Variants in ENDOD1 observed in about 807,000 individuals in gnomAD.
ENDOD1 encodes the protein endonuclease domain-containing 1 protein.
In ENDOD1, 9 loss-of-function variants were observed where a neutral mutation model predicts 6.5. That is an observed-to-expected ratio of 1.39 (90% CI 0.84 to 2.43). The LOEUF (loss-of-function observed/expected upper bound fraction) is 2.43. ENDOD1 is among the 30% of genes most tolerant of loss of function. The pLI is 0.00. For synonymous variants in ENDOD1, 255 were observed against 255.2 expected (o/e 1.00, Z 0.01); for missense variants, 648 against 635.5 (o/e 1.02, Z -0.21).
rs770271698 is a variant in ENDOD1 at position 95,129,164 on chromosome 11, G to GTGT, written c.1090_1092dup (p.Val364dup). ...AAGAACATTGTCTATTTCCTGTGGTGTGTTACCAAGCAGGTGATTAATGGC... is the reference window on the plus strand; with the variant it reads ...AAGAACATTGTCTATTTCCTGTGGTGTGTTGTTACCAAGCAGGTGATTAATGGC... On this transcript the variant is annotated inframe_insertion, in exon 2 of 2. Coordinates refer to ENST00000278505, the MANE Select transcript of ENDOD1 (RefSeq NM_015036.3). 6.2e-7 allele frequency: 1 copy of GTGT among 1,614,128 alleles called. No homozygotes were observed. Among genetic ancestry groups the GTGT allele is most frequent in the South Asian group, 1.1e-5 (1 of 91,088 alleles).
At chr11:95,096,361 T>G (rs1858986109) in intron 1 of ENDOD1, among the ~76,000 whole-genome samples, 1 of 151,066 alleles carries the variant, frequency 6.6e-6, no homozygotes, top group Admixed American at 6.6e-5. Flanking sequence ...CCTGTCGATA[T>G]ATCTATTTGG....
chr11:95,109,982 C>T (rs1309880531), intron 1 of ENDOD1, among the ~76,000 whole-genome samples: 1 of 152,258 alleles, frequency 6.6e-6, no homozygotes, highest in Admixed American at 6.5e-5. Context: ...GACTGCAGAT[C>T]ATTGCTGGGG....
intron 1 of ENDOD1, among the ~76,000 whole-genome samples, chr11:95,090,823 C>G (rs1269090556): frequency 6.6e-6 from 1 of 152,288 alleles, no homozygotes; most frequent in South Asian, 2.1e-4. Context: ...TCATCCTAGC[C>G]TGAAAATCCT....
In ENDOD1 at chr11:95,127,938, T is replaced by G. The variant is rs912228628; in HGVS notation, c.301-439T>G. Reference sequence around the variant, plus strand: ...CCACATCTAGCTAATTTTTGTATTTTTAGTAGAGATAGGATTTCAGCATGT... The same window carrying G: ...CCACATCTAGCTAATTTTTGTATTTGTAGTAGAGATAGGATTTCAGCATGT... On this transcript the variant is annotated intron_variant, in intron 1 of 1. Coordinates refer to ENST00000278505, the MANE Select transcript of ENDOD1 (RefSeq NM_015036.3). 3.9e-5 allele frequency among the ~76,000 whole-genome samples: 6 copies of G among 152,126 alleles called. No homozygotes were observed. In the East Asian group the frequency reaches 1.2e-3, roughly 29 times the overall value.
intron 1 of ENDOD1, among the ~76,000 whole-genome samples, chr11:95,097,168 A>AAAG (rs1858994721): frequency 6.7e-6 from 1 of 150,042 alleles, no homozygotes; most frequent in African/African-American, 2.5e-5. Flanking sequence ...AAAAAAAAAA[A>AAAG]GGCATATTAG....
rs1358526688 is a variant in ENDOD1, at chr11:95,128,709, C to A, written c.633C>A (p.Asp211Glu). 2 of 1,614,170 alleles carry A rather than the reference C, an allele frequency of 1.2e-6. No individual in the cohort carries two copies. Among genetic ancestry groups the A allele is most frequent in the Admixed American group, 3.3e-5 (2 of 60,028 alleles). The part of the protein sequence containing the change: ...GTVPSDYRVK[D>E]KVAVPEFVWL... ...TGCCCTCAGACTACAGAGTTAAAGA[C>A]AAAGTGGCAGTCCCTGAGTTTGTTT... is the stretch of plus-strand genomic sequence containing the variant. The change falls in exon 2 of 2, where the codon GAC becomes GAA. Residue 211 changes from aspartate to glutamate, a missense_variant. By Grantham distance (45) the Asp-to-Glu change is conservative (BLOSUM62 2). Coordinates refer to ENST00000278505, the MANE Select transcript of ENDOD1 (RefSeq NM_015036.3).
intron 1 of ENDOD1, among the ~76,000 whole-genome samples, chr11:95,098,332 C>A (rs1859006006): frequency 6.6e-6 from 1 of 152,152 alleles, no homozygotes; most frequent in African/African-American, 2.4e-5. Context: ...GAGTAGATTT[C>A]ATATTAAGTT....
intron 1 of ENDOD1, among the ~76,000 whole-genome samples, chr11:95,124,678 T>G (rs1170636478): frequency 6.6e-6 from 1 of 152,192 alleles, no homozygotes; most frequent in African/African-American, 2.4e-5. Context: ...GATCCTGGCT[T>G]ATTTGCCATG....
chr11:95,113,758 T>A (rs986433978), intron 1 of ENDOD1, among the ~76,000 whole-genome samples: 2 of 152,236 alleles, frequency 1.3e-5, no homozygotes, highest in Non-Finnish European at 2.9e-5. Context: ...CTTTGGGGTA[T>A]ATACTCAGAA....
At chr11:95,112,028 T>C (rs1859155841) in intron 1 of ENDOD1, among the ~76,000 whole-genome samples, 1 of 152,220 alleles carries the variant, frequency 6.6e-6, no homozygotes, top group African/African-American at 2.4e-5. Flanking sequence ...ACCCAGTCAC[T>C]TCCACCAGCT....
chr11:95,120,647 C>T (rs959585988), intron 1 of ENDOD1, among the ~76,000 whole-genome samples: 4 of 151,836 alleles, frequency 2.6e-5, no homozygotes, highest in African/African-American at 9.7e-5. Context: ...AGGGGTGATG[C>T]CAGCACTCCC....
At chr11:95,117,106 C>T (rs1378022461) in intron 1 of ENDOD1, among the ~76,000 whole-genome samples, 10 of 152,220 alleles carry the variant, frequency 6.6e-5, no homozygotes, top group African/African-American at 2.4e-4. Flanking sequence ...CTCTCTTTAG[C>T]TCTAATAATA....
chr11:95,115,388 T>TG (rs1392877905), intron 1 of ENDOD1, among the ~76,000 whole-genome samples: 1 of 145,780 alleles, frequency 6.9e-6, no homozygotes, highest in African/African-American at 2.7e-5. Context: ...CTAGGTTTTT[T>TG]TTTTTGTGTG....
At chr11:95,124,485 A>G (rs1200536479) in intron 1 of ENDOD1, among the ~76,000 whole-genome samples, 1 of 152,244 alleles carries the variant, frequency 6.6e-6, no homozygotes, top group Admixed American at 6.5e-5. Context: ...TCATAAGAAT[A>G]TAGTAAACAT....
rs1859331708 is a variant in ENDOD1 at position 95,128,362 on chromosome 11, G to C, written c.301-15G>C. The C allele has an allele frequency of 6.2e-7, 1 of 1,604,358 alleles. No homozygotes were observed. Among genetic ancestry groups the C allele is most frequent in the East Asian group, 2.2e-5 (1 of 44,872 alleles). ...TAAGCAGGGATGCATCTCACCACTT[G>C]TTTTCTTCTTGCAGATCGATGACCC... is the stretch of plus-strand genomic sequence containing the variant. On this transcript the variant is annotated splice_polypyrimidine_tract_variant and intron_variant, in intron 1 of 1. Transcript: ENST00000278505.
intron 1 of ENDOD1, among the ~76,000 whole-genome samples, chr11:95,099,446 C>G (rs1449022423): frequency 6.6e-6 from 1 of 152,178 alleles, no homozygotes; most frequent in Admixed American, 6.5e-5. Flanking sequence ...AGGAGGTGCC[C>G]AGGCCGACTA....
intron 1 of ENDOD1, among the ~76,000 whole-genome samples, chr11:95,107,180 T>G (rs1555111486): frequency 7.6e-6 from 1 of 130,908 alleles, no homozygotes; most frequent in African/African-American, 3.3e-5. Context: ...GGAGGGGAAC[T>G]TTTTTTTTAC....
intron 1 of ENDOD1, among the ~76,000 whole-genome samples, chr11:95,105,211 G>A (rs1489268838): frequency 6.6e-6 from 1 of 152,186 alleles, no homozygotes; most frequent in African/African-American, 2.4e-5. Context: ...AACTACAGTT[G>A]TTTCTTGGTA....
Position 95,129,288 on chromosome 11 carries a change from C to T in ENDOD1, c.1212C>T (p.Val404=), listed in dbSNP as rs766060664. 2.3e-5 allele frequency: 37 copies of T among 1,613,996 alleles called. No homozygotes were observed. The highest frequency in any genetic ancestry group is 5.3e-5 in the African/African-American group (4 of 74,894). The part of the protein sequence containing the change: ...LVSIPWKVLK[V]VAKVIRALLR... Reference sequence around the variant, plus strand: ...GCATTCCCTGGAAGGTGCTCAAGGTCGTGGCCAAAGTCATCAGGGCTCTCC... The same window carrying T: ...GCATTCCCTGGAAGGTGCTCAAGGTTGTGGCCAAAGTCATCAGGGCTCTCC... The change falls in exon 2 of 2, where the codon GTC becomes GTT. Residue 404 remains valine, a synonymous_variant. Coordinates refer to ENST00000278505, the MANE Select transcript of ENDOD1 (RefSeq NM_015036.3).
Sources: allele counts gnomAD v4.1 joint callset (sites outside exome capture counted in the v4.1 genomes callset), GRCh38; gene constraint gnomAD v4.1.1; transcripts MANE v1.5; gene names NCBI Gene and HGNC (gene_info 2026-07-23, HGNC 2026-07-21).